MSTO1: variants seen among roughly 807,000 people sequenced by gnomAD.
MSTO1 encodes the protein misato mitochondrial distribution and morphology regulator 1.
A neutral mutation model predicts 55.7 loss-of-function variants in MSTO1; 24 were observed. The ratio of observed to expected loss-of-function variants is 0.43; its 90% CI spans 0.31 to 0.61. The LOEUF is 0.61. Ranked by LOEUF, MSTO1 falls within the 20% of genes least tolerant of loss-of-function variation. MSTO1 has a pLI of 0.09. For synonymous variants in MSTO1, 162 were observed against 252.8 expected, an observed-to-expected ratio of 0.64 and a Z score of 3.41; for missense variants, 363 against 625.7, an observed-to-expected ratio of 0.58 and a Z score of 4.48.
the MSTO1 span, among the ~76,000 whole-genome samples, chr1:155,571,254 T>C: frequency 6.6e-6 from 1 of 152,204 alleles, no homozygotes; most frequent in Non-Finnish European, 1.5e-5. Flanking sequence ...AGGACGGCTT[T>C]GAATAGGGCC....
chr1:155,608,490 T>C (rs1673028259), upstream of MSTO1, among the ~76,000 whole-genome samples: 1 of 150,966 alleles, frequency 6.6e-6, no homozygotes, highest in South Asian at 2.1e-4. Flanking sequence ...AATATTTGCC[T>C]TATCTCTTTT....
At chr1:155,585,340 G>A in the MSTO1 span, among the ~76,000 whole-genome samples, 8 of 152,080 alleles carry the variant, frequency 5.3e-5, no homozygotes, top group Admixed American at 1.3e-4. Flanking sequence ...TTGCTAACAC[G>A]GTGAAACCCC....
the MSTO1 span, among the ~76,000 whole-genome samples, chr1:155,583,415 G>T: frequency 6.6e-6 from 1 of 151,794 alleles, no homozygotes; most frequent in Admixed American, 6.6e-5. Flanking sequence ...GCACGTGCCT[G>T]TAGTCCCAGC....
At chr1:155,590,712 A>C in the MSTO1 span, 2 of 1,555,642 alleles carry the variant, frequency 1.3e-6, no homozygotes, top group Non-Finnish European at 1.7e-6. Context: ...CGGAGGGGCA[A>C]GTGCAGCACA....
chr1:155,595,231 G>A, the MSTO1 span, among the ~76,000 whole-genome samples: 1 of 142,390 alleles, frequency 7.0e-6, no homozygotes, highest in Non-Finnish European at 1.5e-5. Context: ...AGGCTGGAGT[G>A]CAGTGGCGCA....
chr1:155,584,066 T>G, the MSTO1 span, among the ~76,000 whole-genome samples: 1 of 152,162 alleles, frequency 6.6e-6, no homozygotes, highest in African/African-American at 2.4e-5. Context: ...AGGAGTGCTT[T>G]GGCGTCTTCA....
the MSTO1 span, among the ~76,000 whole-genome samples, chr1:155,580,025 G>A: frequency 8.6e-5 from 13 of 151,060 alleles, no homozygotes; most frequent in Admixed American, 1.3e-4. Flanking sequence ...GCAGTGAGCC[G>A]AGATCGGGCC....
chr1:155,567,080 C>G, the MSTO1 span, among the ~76,000 whole-genome samples: 1 of 151,516 alleles, frequency 6.6e-6, no homozygotes, highest in East Asian at 1.9e-4. Context: ...TCAGGGTTGA[C>G]TTTACATTTG....
chr1:155,588,317 A>G, the MSTO1 span, among the ~76,000 whole-genome samples: 4 of 151,888 alleles, frequency 2.6e-5, no homozygotes, highest in Non-Finnish European at 4.4e-5. Flanking sequence ...TCATTTTTTC[A>G]TTTATTTACC....
the MSTO1 span, among the ~76,000 whole-genome samples, chr1:155,574,902 CTGTTGCCAGGTTGGAGTGCAG>C: frequency 6.8e-6 from 1 of 146,936 alleles, no homozygotes; most frequent in Middle Eastern, 3.6e-3. Flanking sequence ...ACGGAGTCTC[CTGTTGCCAGGTTGGAGTGCAG>C]TGGCACTATT....
the MSTO1 span, among the ~76,000 whole-genome samples, chr1:155,598,376 A>G: frequency 1.3e-5 from 2 of 152,090 alleles, no homozygotes; most frequent in African/African-American, 4.8e-5. Context: ...CGGCCTCACA[A>G]AGTGCTAGAA....
the MSTO1 span, among the ~76,000 whole-genome samples, chr1:155,573,966 T>A: frequency 1.5e-4 from 23 of 152,202 alleles, no homozygotes; most frequent in Non-Finnish European, 2.9e-4. Context: ...TTATACCTTT[T>A]GCAAAATTTT....
chr1:155,592,069 A>C, the MSTO1 span, among the ~76,000 whole-genome samples: 4 of 152,182 alleles, frequency 2.6e-5, no homozygotes. Flanking sequence ...GGTAGATAAA[A>C]TTGAGTAGCG....
At chr1:155,609,243 A>ATTTTTTTTTTTTTT (rs1185140621), upstream of MSTO1, among the ~76,000 whole-genome samples, 1 of 54,590 alleles carries the variant, frequency 1.8e-5, no homozygotes, top group Non-Finnish European at 3.0e-5. Flanking sequence ...ATATATATAT[A>ATTTTTTTTTTTTTT]TTTTTTTTTT....
At chr1:155,590,554 A>G in the MSTO1 span, 3 of 964,770 alleles carry the variant, frequency 3.1e-6, no homozygotes, top group South Asian at 5.4e-5. Context: ...GGGCACTGCC[A>G]CTTCTGGATG....
chr1:155,606,198 CTT>C (rs747681932), upstream of MSTO1, among the ~76,000 whole-genome samples: 1 of 28,090 alleles, frequency 3.6e-5, no homozygotes, highest in African/African-American at 9.8e-5. Context: ...CATGCCCAGC[CTT>C]TTTTTTTTTT....
the MSTO1 span, among the ~76,000 whole-genome samples, chr1:155,600,621 C>T: frequency 6.6e-6 from 1 of 151,610 alleles, no homozygotes; most frequent in Non-Finnish European, 1.5e-5. Context: ...GATCTCGGCT[C>T]ACTGCAACCT....
chr1:155,566,469 A>T, the MSTO1 span, among the ~76,000 whole-genome samples: 3 of 152,072 alleles, frequency 2.0e-5, no homozygotes, highest in Admixed American at 2.0e-4. Flanking sequence ...CCCCATCTCT[A>T]CAAAAAATAA....
intron 4 of MSTO1, 41 bp from the exon 5 acceptor site, chr1:155,611,508 A>C (rs1393428863): frequency 3.7e-6 from 6 of 1,613,724 alleles, no homozygotes. Context: ...TTGCCTCTAA[A>C]CTGCCTGGAA....
Sources: gnomAD v4.1 joint callset for allele counts (sites outside exome capture counted in the v4.1 genomes callset) on GRCh38, gnomAD v4.1.1 for gene constraint, MANE v1.5 for transcripts, NCBI Gene and HGNC (gene_info 2026-07-23, HGNC 2026-07-21) for gene names.